SRGAP2: variants seen among roughly 807,000 people sequenced by gnomAD.
The protein encoded by SRGAP2 is SLIT-ROBO Rho GTPase activating protein 2.
SRGAP2 carries 15 observed loss-of-function variants against 57.2 expected under a neutral mutation model. That is an observed-to-expected ratio of 0.26 (90% CI 0.18 to 0.40). The LOEUF (loss-of-function observed/expected upper bound fraction) is 0.40, where lower values mean the gene tolerates loss of function less well. Among genes scored for constraint, SRGAP2 ranks in the 10% least tolerant of loss-of-function variants. The pLI, the probability that SRGAP2 is intolerant of heterozygous loss-of-function variation, is 1.00. For synonymous variants in SRGAP2, 249 were observed against 248.0 expected (o/e 1.00, Z -0.04); for missense variants, 520 against 669.6 (o/e 0.78, Z 2.47).
intron 2 of SRGAP2, among the ~76,000 whole-genome samples, chr1:206,284,788 A>C: frequency 6.6e-6 from 1 of 151,982 alleles, no homozygotes; most frequent in South Asian, 2.1e-4. Context: ...ATGACTGTAC[A>C]TTTTATGATA....
chr1:206,256,921 G>A (rs1270297714), intron 2 of SRGAP2, among the ~76,000 whole-genome samples: 4 of 146,902 alleles, frequency 2.7e-5, no homozygotes, highest in Non-Finnish European at 6.0e-5. Flanking sequence ...CCTGTTGATT[G>A]ATTAATTTCA....
intron 13 of SRGAP2, among the ~76,000 whole-genome samples, chr1:206,425,521 CTTTTT>C (rs202139027): frequency 1.4e-4 from 21 of 151,332 alleles, no homozygotes; most frequent in African/African-American, 5.1e-4. Flanking sequence ...ACTAACCTCA[CTTTTT>C]TTTTGTTTTG....
At chr1:206,322,496 G>A (rs531167144) in intron 3 of SRGAP2, among the ~76,000 whole-genome samples, 68 of 151,066 alleles carry the variant, frequency 4.5e-4, no homozygotes, top group African/African-American at 1.5e-3. Flanking sequence ...AGGAGAATGG[G>A]GTGAACCCGG....
chr1:206,247,461 C>T (rs554749915), intron 2 of SRGAP2, among the ~76,000 whole-genome samples: 211 of 151,880 alleles, frequency 1.4e-3, no homozygotes, highest in African/African-American at 4.7e-3. Flanking sequence ...GAGAGGGAGC[C>T]TCCATACTGT....
chr1:206,370,776 A>T (rs147973214), intron 4 of SRGAP2, among the ~76,000 whole-genome samples: 1,549 of 152,374 alleles, frequency 0.01, 11 homozygotes, highest in Non-Finnish European at 0.018. Flanking sequence ...TAAAAAAATC[A>T]AACAAATTTT....
chr1:206,338,772 A>G (rs1254795362), intron 3 of SRGAP2, among the ~76,000 whole-genome samples: 2 of 100,200 alleles, frequency 2.0e-5, no homozygotes, highest in Non-Finnish European at 3.8e-5. Context: ...GAAACAGCCA[A>G]CAGGATCTAG....
intron 3 of SRGAP2, among the ~76,000 whole-genome samples, chr1:206,310,502 C>T (rs560610707): frequency 2.6e-5 from 4 of 152,308 alleles, no homozygotes; most frequent in South Asian, 2.1e-4. Flanking sequence ...CAATTAAACT[C>T]GTGGCCTGCC....
At chr1:206,434,986 A>G (rs1212255952) in intron 14 of SRGAP2, among the ~76,000 whole-genome samples, 1 of 152,244 alleles carries the variant, frequency 6.6e-6, no homozygotes, top group Non-Finnish European at 1.5e-5. Flanking sequence ...TGTTGTTTAC[A>G]TACTATCTTT....
intron 3 of SRGAP2, among the ~76,000 whole-genome samples, chr1:206,318,937 A>G (rs1183919118): frequency 6.6e-6 from 1 of 151,974 alleles, no homozygotes; most frequent in African/African-American, 2.4e-5. Flanking sequence ...CATCCAAACC[A>G]TATCACATAG....
At chr1:206,381,016 A>G (rs1655655342) in intron 4 of SRGAP2, among the ~76,000 whole-genome samples, 1 of 152,032 alleles carries the variant, frequency 6.6e-6, no homozygotes, top group African/African-American at 2.4e-5. Flanking sequence ...TGTATTGCAC[A>G]TTTTAAGTGG....
Position 206,373,009 on chromosome 1 carries a change from CTTT to C in SRGAP2, c.424-11004_424-11002del, listed in dbSNP as rs1654818792. Among the ~76,000 whole-genome samples, 26 of 98,742 alleles carry C rather than the reference CTTT, an allele frequency of 2.6e-4. 1 individual carries two copies. Among genetic ancestry groups the C allele is most frequent in the South Asian group, 2.6e-3 (7 of 2,678 alleles). The allele number at this position is 98,742 out of a possible 152,430, so 64.8% of individuals were successfully genotyped here. On this transcript the variant is annotated intron_variant, in intron 4 of 22. Transcript: ENST00000573034. ...TCTTTCTTTCTTTCTTTCTTTCTTT[CTTT>C]CTTTCTTTCTTTCTTTTCTTTCTCT...
intron 11 of SRGAP2, 65 bp from the exon 12 acceptor site, chr1:206,419,308 G>A: frequency 1.3e-6 from 1 of 777,516 alleles, no homozygotes; most frequent in South Asian, 1.3e-5. Flanking sequence ...GTTACTAGGA[G>A]TGGGTCTCCC....
In SRGAP2 at chr1:206,458,717, G is replaced by T. The variant is rs1553379345; in HGVS notation, c.2602G>T (p.Gly868Trp). ...TTCCCTGACTGACTCCTCCTCCCCA[G>T]GGGTGGGGGCTAGCTGCCGCCCATC... ...SSSLTDSSSPGVGASCRPSSQ... is the reference protein window; with the variant it reads ...SSSLTDSSSPWVGASCRPSSQ... Residue 868 changes from glycine (G) to tryptophan (W), a missense_variant, in exon 22 of 23, where the codon GGG becomes TGG. By Grantham distance (184) the Gly-to-Trp change is radical. Coordinates refer to ENST00000573034, the MANE Select transcript of SRGAP2 (RefSeq NM_015326.5). 1 of 780,220 alleles carries T rather than the reference G, an allele frequency of 1.3e-6. No individual in the cohort carries two copies. The highest frequency in any genetic ancestry group is 2.4e-6 in the Non-Finnish European group (1 of 417,812). The allele number at this position is 780,220 out of a possible 1,614,324, so 48.3% of individuals were successfully genotyped here.
chr1:206,416,007 A>G (rs1553361793), intron 11 of SRGAP2, 34 bp downstream of exon 11: 2 of 769,084 alleles, frequency 2.6e-6, no homozygotes, highest in African/African-American at 1.7e-5. Context: ...GAGGCTTGAC[A>G]GTGAGGCCAG....
chr1:206,457,456 GCAGTGGTGC>G (rs1458687739), intron 21 of SRGAP2, among the ~76,000 whole-genome samples: 1 of 152,200 alleles, frequency 6.6e-6, no homozygotes, highest in Non-Finnish European at 1.5e-5. Context: ...AGTTAGTGGT[GCAGTGGTGC>G]CAGTGCAGTT....
intron 14 of SRGAP2, among the ~76,000 whole-genome samples, chr1:206,433,460 G>A (rs776311864): frequency 1.3e-5 from 2 of 151,976 alleles, no homozygotes; most frequent in African/African-American, 4.8e-5. Context: ...CCAACATGGC[G>A]AAACCCTGTC....
chr1:206,425,870 G>T (rs1660752334), intron 13 of SRGAP2, among the ~76,000 whole-genome samples: 1 of 146,516 alleles, frequency 6.8e-6, no homozygotes, highest in Non-Finnish European at 1.5e-5. Context: ...TTTTGAGATG[G>T]AGTTTCACTC....
chr1:206,254,712 A>G (rs1414843022), intron 2 of SRGAP2, among the ~76,000 whole-genome samples: 1 of 150,272 alleles, frequency 6.7e-6, no homozygotes, highest in African/African-American at 2.4e-5. Context: ...TCCTTTTAGT[A>G]GAGAACACAG....
rs782257639 is a variant in SRGAP2 at position 206,430,166 on chromosome 1, C to A, written c.1499C>A (p.Ser500Tyr). 1 of 780,758 alleles carries A rather than the reference C, an allele frequency of 1.3e-6. No homozygotes were observed. Among genetic ancestry groups the A allele is most frequent in the Non-Finnish European group, 2.4e-6 (1 of 417,926 alleles). The allele number at this position is 780,758 out of a possible 1,614,324, so 48.4% of individuals were successfully genotyped here. A position where few individuals can be genotyped will look rare whatever the true frequency, so the allele number is the denominator to read the frequency against. ...TGTTTCCCTTTGGCTTTTCAGGACT[C>A]CAGCCAGGCAATTCCTCTGGTGGTG... ...RRSSTVRKQD[S>Y]SQAIPLVVES... Residue 500 changes from serine to tyrosine, a missense_variant, in exon 14 of 23, where the codon TCC (serine) becomes TAC (tyrosine). By Grantham distance (144) the Ser-to-Tyr change is moderately radical. This residue lies in a region of SRGAP2 where 478 missense variants were observed against 373.6 expected (regional missense o/e 1.28). Transcript: ENST00000573034.
Sources: gnomAD v4.1 joint callset for allele counts (sites outside exome capture counted in the v4.1 genomes callset) on GRCh38, gnomAD v4.1.1 for gene constraint, gnomAD v4.1.1 regional missense constraint, MANE v1.5 for transcripts, NCBI Gene and HGNC (gene_info 2026-07-23, HGNC 2026-07-21) for gene names.